LOC128092252: variants seen among roughly 807,000 people sequenced by gnomAD.
the LOC128092252 span, among the ~76,000 whole-genome samples, chr15:50,654,699 A>T: frequency 6.6e-6 from 1 of 151,224 alleles, no homozygotes; most frequent in African/African-American, 2.4e-5. Flanking sequence ...AATGTATGAA[A>T]TGAAAATTCA....
the LOC128092252 span, among the ~76,000 whole-genome samples, chr15:50,655,122 A>G: frequency 1.5e-5 from 2 of 130,824 alleles, no homozygotes; most frequent in Non-Finnish European, 3.3e-5. Flanking sequence ...CAGATAAAGA[A>G]AAAAAAGTTA....
the LOC128092252 span, among the ~76,000 whole-genome samples, chr15:50,686,234 C>G: frequency 2.6e-5 from 4 of 152,246 alleles, no homozygotes; most frequent in African/African-American, 9.6e-5. Flanking sequence ...CTGAGCCCAG[C>G]CAGGTAGTCC....
chr15:50,657,865 TTC>T, the LOC128092252 span: 37 of 1,532,782 alleles, frequency 2.4e-5, no homozygotes, highest in Non-Finnish European at 3.2e-5. Flanking sequence ...GTGAAAAACT[TTC>T]TGATTTTAAA....
At chr15:50,653,149 TC>T in the LOC128092252 span, among the ~76,000 whole-genome samples, 4 of 151,244 alleles carry the variant, frequency 2.6e-5, no homozygotes, top group East Asian at 7.8e-4. Flanking sequence ...GTTTCCCCAC[TC>T]CCCCCAAAAA....
the LOC128092252 span, chr15:50,663,127 A>C: frequency 9.0e-7 from 1 of 1,107,146 alleles, no homozygotes; most frequent in Non-Finnish European, 1.3e-6. Context: ...AAACACATAA[A>C]CAGTTCTTTT....
chr15:50,685,351 G>C, the LOC128092252 span, among the ~76,000 whole-genome samples: 1 of 152,188 alleles, frequency 6.6e-6, no homozygotes, highest in Non-Finnish European at 1.5e-5. Context: ...CAGCTACTCG[G>C]GAGCCTGAGG....
At chr15:50,660,036 C>G in the LOC128092252 span, among the ~76,000 whole-genome samples, 3 of 152,158 alleles carry the variant, frequency 2.0e-5, no homozygotes, top group Admixed American at 6.5e-5. Context: ...TATTTTAGAA[C>G]TGGCACACTG....
the LOC128092252 span, chr15:50,648,964 C>T: frequency 0.097 from 104,692 of 1,084,504 alleles, 5,839 homozygotes; most frequent in Middle Eastern, 0.16. Context: ...GTGAATGAAC[C>T]GACAAATATA....
the LOC128092252 span, among the ~76,000 whole-genome samples, chr15:50,677,624 G>A: frequency 2.0e-5 from 3 of 150,814 alleles, no homozygotes; most frequent in South Asian, 2.1e-4. Flanking sequence ...CTGTAATCCC[G>A]GCTACTCAGG....
At chr15:50,650,004 G>A in the LOC128092252 span, among the ~76,000 whole-genome samples, 1 of 151,944 alleles carries the variant, frequency 6.6e-6, no homozygotes, top group East Asian at 1.9e-4. Flanking sequence ...ATACCATCCT[G>A]GCCAACATGG....
At chr15:50,659,169 GA>G in the LOC128092252 span, among the ~76,000 whole-genome samples, 1 of 149,110 alleles carries the variant, frequency 6.7e-6, no homozygotes, top group African/African-American at 2.5e-5. Flanking sequence ...CACCAGCCTG[GA>G]TGACAGAGCG....
chr15:50,652,182 A>C, the LOC128092252 span, among the ~76,000 whole-genome samples: 1 of 150,860 alleles, frequency 6.6e-6, no homozygotes, highest in Admixed American at 6.6e-5. Context: ...AAAATACAAA[A>C]CTTCACCGGG....
chr15:50,684,954 G>C, the LOC128092252 span, among the ~76,000 whole-genome samples: 5 of 152,234 alleles, frequency 3.3e-5, no homozygotes, highest in African/African-American at 1.2e-4. Context: ...TTAATTTTTA[G>C]GCATGATAAT....
At chr15:50,657,406 A>T in the LOC128092252 span, among the ~76,000 whole-genome samples, 1 of 152,218 alleles carries the variant, frequency 6.6e-6, no homozygotes, top group Non-Finnish European at 1.5e-5. Context: ...CATGTGCAAC[A>T]AAAAGCCTTG....
chr15:50,678,962 C>G, the LOC128092252 span, among the ~76,000 whole-genome samples: 1 of 152,216 alleles, frequency 6.6e-6, no homozygotes, highest in Admixed American at 6.5e-5. Context: ...CAACCTCCAC[C>G]TCCTGGGTTC....
At chr15:50,671,334 T>C in the LOC128092252 span, among the ~76,000 whole-genome samples, 2 of 152,142 alleles carry the variant, frequency 1.3e-5, no homozygotes, top group Admixed American at 6.6e-5. Context: ...TCCTGGCTTA[T>C]TTCACTTAAC....
chr15:50,674,024 T>C, the LOC128092252 span, among the ~76,000 whole-genome samples: 2 of 152,220 alleles, frequency 1.3e-5, no homozygotes, highest in African/African-American at 2.4e-5. Flanking sequence ...AGTTTTACTC[T>C]GTCGCCCAGG....
the LOC128092252 span, among the ~76,000 whole-genome samples, chr15:50,670,249 C>T: frequency 2.0e-5 from 3 of 152,158 alleles, no homozygotes; most frequent in South Asian, 2.1e-4. Flanking sequence ...AGGGGGGAAA[C>T]GTCAGAGGTG....
the LOC128092252 span, chr15:50,663,139 T>G: frequency 1.3e-5 from 13 of 1,000,596 alleles, no homozygotes; most frequent in Admixed American, 1.2e-4. Flanking sequence ...AGTTCTTTTT[T>G]TTTTTTGAGA....
Sources: allele counts gnomAD v4.1 joint callset (sites outside exome capture counted in the v4.1 genomes callset), GRCh38; gene constraint gnomAD v4.1.1; transcripts MANE v1.5.